RELN: variants seen among roughly 807,000 people sequenced by gnomAD.
RELN encodes the protein reelin.
In RELN, 108 loss-of-function variants were observed where a neutral mutation model predicts 427.6. The observed-to-expected ratio is 0.25, with a 90% confidence interval of 0.22 to 0.30. RELN has a LOEUF of 0.30. Ranked by LOEUF, RELN falls within the 10% of genes least tolerant of loss-of-function variation. The pLI, the probability that RELN is intolerant of heterozygous loss-of-function variation, is 1.00. For synonymous variants in RELN, 1,524 were observed against 1,513.4 expected, an observed-to-expected ratio of 1.01 and a Z score of -0.16; for missense variants, 3,715 against 4,302.8, an observed-to-expected ratio of 0.86 and a Z score of 3.82.
intron 28 of RELN, among the ~76,000 whole-genome samples, chr7:103,577,843 T>C (rs1167021787): frequency 1.2e-4 from 18 of 152,346 alleles, no homozygotes; most frequent in Non-Finnish European, 1.6e-4. Flanking sequence ...GCTTCTTTTT[T>C]ATGTTTCTAT....
chr7:103,960,183 A>G (rs564844740), intron 1 of RELN, among the ~76,000 whole-genome samples: 222 of 152,296 alleles, frequency 1.5e-3, no homozygotes, highest in Non-Finnish European at 2.6e-3. Context: ...TCAAAAGCTC[A>G]TGAGACTCTA....
rs1055841089 is a variant in RELN, at chr7:103,824,123, A to G, written c.473+9414T>C. ...TCACGACCTTTATCAGTACTAATTT[A>G]TTTTATTTATCTTGCTTAGATAGAA... On this transcript the variant is annotated intron_variant, in intron 3 of 64. Transcript: ENST00000428762. This position sits in a 1 kb window ranked among gnomAD's most constrained non-coding sequence, Gnocchi z 4.4. Among the ~76,000 whole-genome samples, 4 of 151,984 alleles carry G rather than the reference A, an allele frequency of 2.6e-5. No homozygotes were observed. The highest frequency in any genetic ancestry group is 2.0e-4 in the Admixed American group (3 of 15,208).
chr7:103,699,986 C>T (rs1484610291), intron 9 of RELN, among the ~76,000 whole-genome samples: 1 of 151,924 alleles, frequency 6.6e-6, no homozygotes, highest in Non-Finnish European at 1.5e-5. Context: ...AAACTTTAGA[C>T]AAACTGGCTT....
rs1423597548 is a variant in RELN, at chr7:103,909,654, AAT to A, written c.337+7419_337+7420del. ...ATATATTTAATAAATATATATATTTAATATATATAAATATATATTAAATATAT... is the reference window on the plus strand; with the variant it reads ...ATATATTTAATAAATATATATATTTAATATATAAATATATATTAAATATAT... On this transcript the variant is annotated intron_variant, in intron 2 of 64. Coordinates refer to ENST00000428762, the MANE Select transcript of RELN (RefSeq NM_005045.4). 9.6e-4 allele frequency among the ~76,000 whole-genome samples: 86 copies of A among 89,544 alleles called. 3 individuals carry two copies. The East Asian group carries it at 0.017, about 18-fold the overall frequency. The allele number at this position is 89,544 out of a possible 152,430, so 58.7% of individuals were successfully genotyped here. A position where few individuals can be genotyped will look rare whatever the true frequency, so the allele number is the denominator to read the frequency against.
In RELN at chr7:103,776,489, T is replaced by C. The variant is rs1791745617; in HGVS notation, c.544+68A>G. On this transcript the variant is annotated intron_variant, in intron 4 of 64. Transcript: ENST00000428762. ...TAATCATAATGAAATGCTTACTTGG[T>C]ACATAGAACACAGGACCTACCATGA... 7 of 1,484,174 alleles carry C rather than the reference T, an allele frequency of 4.7e-6. No homozygotes were observed. The South Asian group carries it at 7.9e-5, about 17-fold the overall frequency. The allele number at this position is 1,484,174 out of a possible 1,614,324, so 91.9% of individuals were successfully genotyped here.
chr7:103,611,569 C>A, intron 21 of RELN, 42 bp downstream of exon 21: 1 of 1,497,648 alleles, frequency 6.7e-7, no homozygotes, highest in Admixed American at 1.7e-5. Context: ...AGGTAAAAGG[C>A]AGAAGGTTAC....
intron 3 of RELN, 142 bp from the exon 4 acceptor site, chr7:103,776,769 T>C: frequency 1.2e-6 from 1 of 864,188 alleles, no homozygotes; most frequent in East Asian, 2.7e-5. Context: ...AAGAGTGATA[T>C]AAATAACATG....
At chr7:103,792,538 T>C (rs936038096) in intron 3 of RELN, among the ~76,000 whole-genome samples, 1 of 47,040 alleles carries the variant, frequency 2.1e-5, no homozygotes, top group African/African-American at 1.3e-4. Context: ...CGACAGAACA[T>C]AGATTAGTAG....
At chr7:103,775,880 T>C (rs1791726063) in intron 4 of RELN, among the ~76,000 whole-genome samples, 1 of 152,110 alleles carries the variant, frequency 6.6e-6, no homozygotes, top group Non-Finnish European at 1.5e-5. Context: ...TAGGGCAACA[T>C]CCACCCCTTT....
chr7:103,543,726 C>T (rs375917003), intron 42 of RELN, among the ~76,000 whole-genome samples: 4 of 125,898 alleles, frequency 3.2e-5, no homozygotes, highest in Admixed American at 8.5e-5. Flanking sequence ...TCAGATACTC[C>T]GATTTCGTTT....
intron 27 of RELN, among the ~76,000 whole-genome samples, chr7:103,592,858 C>G (rs1232206288): frequency 1.3e-5 from 2 of 152,056 alleles, no homozygotes; most frequent in Non-Finnish European, 2.9e-5. Flanking sequence ...TGATATTTTT[C>G]CATTGTAGTT....
chr7:103,680,972 T>TG (rs1469007205), intron 11 of RELN, among the ~76,000 whole-genome samples: 2 of 152,152 alleles, frequency 1.3e-5, no homozygotes, highest in Non-Finnish European at 2.9e-5. Flanking sequence ...GCCACTTCCC[T>TG]GAGGCAGGGA....
chr7:103,851,345 G>A (rs1793817096), intron 2 of RELN, among the ~76,000 whole-genome samples: 2 of 152,164 alleles, frequency 1.3e-5, no homozygotes, highest in African/African-American at 4.8e-5. Context: ...GGAAGAGTGG[G>A]AGGAGGTAAG....
rs186183262 is a variant in RELN, at chr7:103,540,126, C to T, written c.6930+71G>A. ...TCATCTACTGAGCAAGCAGGTTGAA[C>T]TAAATGCCTTCTAAGGCCACATTCA... On this transcript the variant is annotated intron_variant, in intron 44 of 64. Coordinates refer to ENST00000428762, the MANE Select transcript of RELN (RefSeq NM_005045.4). The T allele has an allele frequency of 2.2e-3, 3,518 of 1,575,800 alleles. 14 individuals are homozygous for T. Among genetic ancestry groups the T allele is most frequent in the South Asian group, 5.0e-3 (450 of 89,978 alleles).
chr7:103,611,161 G>A (rs548468563), intron 21 of RELN, among the ~76,000 whole-genome samples: 1 of 152,228 alleles, frequency 6.6e-6, no homozygotes, highest in South Asian at 2.1e-4. Context: ...TCCATTTGTT[G>A]CAATGGCAGA....
chr7:103,568,740 T>A (rs1342193683), intron 31 of RELN, among the ~76,000 whole-genome samples: 2 of 152,216 alleles, frequency 1.3e-5, no homozygotes, highest in African/African-American at 4.8e-5. Context: ...TTTGTATTAA[T>A]ATGGTTTACA....
chr7:103,762,577 A>T (rs1791329542), intron 4 of RELN, among the ~76,000 whole-genome samples: 1 of 152,230 alleles, frequency 6.6e-6, no homozygotes, highest in Non-Finnish European at 1.5e-5. Context: ...ATATCTCTGC[A>T]TTCCCAATGC....
chr7:103,840,009 T>C (rs1793512910), intron 2 of RELN, among the ~76,000 whole-genome samples: 1 of 152,228 alleles, frequency 6.6e-6, no homozygotes, highest in African/African-American at 2.4e-5. Context: ...GTAACACTTC[T>C]CTTTCTCTCT....
intron 11 of RELN, among the ~76,000 whole-genome samples, chr7:103,668,057 C>T (rs1251572913): frequency 6.6e-6 from 1 of 152,052 alleles, no homozygotes; most frequent in African/African-American, 2.4e-5. Flanking sequence ...TGGTGAAAAC[C>T]CGTCTCTACT....
Sources: gnomAD v4.1 joint callset for allele counts (sites outside exome capture counted in the v4.1 genomes callset) on GRCh38, gnomAD v4.1.1 for gene constraint, Gnocchi (gnomAD v3.1) non-coding constraint, MANE v1.5 for transcripts, NCBI Gene and HGNC (gene_info 2026-07-23, HGNC 2026-07-21) for gene names.